Variants in RFX6 observed in about 807,000 individuals in gnomAD.
RFX6 encodes the protein regulatory factor X6.
Under a neutral mutation model 110.8 loss-of-function variants are expected in RFX6, and 50 were observed. The ratio of observed to expected loss-of-function variants is 0.45; its 90% CI spans 0.36 to 0.57. The LOEUF (loss-of-function observed/expected upper bound fraction) is 0.57, where lower values mean the gene tolerates loss of function less well. Among genes scored for constraint, RFX6 ranks in the 20% least tolerant of loss-of-function variants. RFX6 has a pLI of 0.00. For synonymous variants in RFX6, 383 were observed against 411.2 expected, an observed-to-expected ratio of 0.93 and a Z score of 0.83; for missense variants, 990 against 1,127.0, an observed-to-expected ratio of 0.88 and a Z score of 1.74.
chr6:116,911,829 A>G (rs1172193791), intron 7 of RFX6, among the ~76,000 whole-genome samples: 1 of 152,204 alleles, frequency 6.6e-6, no homozygotes, highest in East Asian at 1.9e-4. Context: ...ATAGAGGAAT[A>G]TGATTAATGT....
intron 4 of RFX6, among the ~76,000 whole-genome samples, chr6:116,889,136 C>T (rs1680848200): frequency 6.6e-6 from 1 of 152,098 alleles, no homozygotes; most frequent in African/African-American, 2.4e-5. Context: ...CACCAAAGTA[C>T]ACCAATTTCA....
At chr6:116,926,251 A>G (rs673906) in intron 16 of RFX6, among the ~76,000 whole-genome samples, 36,944 of 152,024 alleles carry the variant, frequency 0.24, 4,875 homozygotes, top group South Asian at 0.42. Context: ...TCAGGCCATT[A>G]CACTCCAGCT....
At chr6:116,886,478 C>T (rs1774700985) in intron 4 of RFX6, among the ~76,000 whole-genome samples, 1 of 152,020 alleles carries the variant, frequency 6.6e-6, no homozygotes, top group African/African-American at 2.4e-5. Flanking sequence ...TTTACTGGTC[C>T]CTATATAAAA....
chr6:116,916,136 G>A (rs1441805277), intron 8 of RFX6, 51 bp downstream of exon 8: 1 of 1,547,588 alleles, frequency 6.5e-7, no homozygotes, highest in African/African-American at 1.4e-5. Flanking sequence ...ATACTTTCAT[G>A]TTCTGTTCTT....
chr6:116,893,716 A>G (rs1454728311), intron 4 of RFX6, among the ~76,000 whole-genome samples: 1 of 152,152 alleles, frequency 6.6e-6, no homozygotes, highest in African/African-American at 2.4e-5. Context: ...GGGATTTGGA[A>G]CCTAATGTTT....
rs1775634608 is a variant in RFX6 at position 116,923,023 on chromosome 6, C to T, written c.1438-84C>T. ...GCCATCTGTCCATTTGTTAGACAGT[C>T]TATTTACTTCTTGATCTAACACAGG... On this transcript the variant is annotated intron_variant, in intron 13 of 18. Transcript: ENST00000332958. 6.4e-6 allele frequency: 5 copies of T among 785,912 alleles called. No individual in the cohort carries two copies. The Admixed American group carries it at 8.5e-5, about 13-fold the overall frequency. The allele number at this position is 785,912 out of a possible 1,614,324, so 48.7% of individuals were successfully genotyped here.
At chr6:116,927,669 C>T in intron 17 of RFX6, 130 bp downstream of exon 17, 2 of 773,234 alleles carry the variant, frequency 2.6e-6, no homozygotes, top group Admixed American at 2.2e-5. Context: ...GAATCTTAGA[C>T]ATTTGGAGCT....
chr6:116,925,849 G>A (rs544627121), intron 16 of RFX6, among the ~76,000 whole-genome samples, 190 bp downstream of exon 16: 1 of 152,122 alleles, frequency 6.6e-6, no homozygotes, highest in East Asian at 1.9e-4. Context: ...TATTAACACA[G>A]GTATCATGTC....
chr6:116,886,971 G>C (rs1029317894), intron 4 of RFX6, among the ~76,000 whole-genome samples: 2 of 152,078 alleles, frequency 1.3e-5, no homozygotes, highest in African/African-American at 4.8e-5. Flanking sequence ...GCTGAGGCAG[G>C]AGAATCACTT....
chr6:116,880,417 A>C (rs1774564164), intron 2 of RFX6, 127 bp from the exon 3 acceptor site: 1 of 780,662 alleles, frequency 1.3e-6, no homozygotes, highest in African/African-American at 1.8e-5. Context: ...AGAATAAACG[A>C]AGTCTACTTA....
At chr6:116,905,253 G>T (rs1426860565) in intron 6 of RFX6, among the ~76,000 whole-genome samples, 1 of 152,098 alleles carries the variant, frequency 6.6e-6, no homozygotes, top group Non-Finnish European at 1.5e-5. Context: ...GTGTGATGTG[G>T]TATCTCATTT....
intron 1 of RFX6, 146 bp downstream of exon 1, chr6:116,877,644 C>G: frequency 9.6e-7 from 1 of 1,044,096 alleles, no homozygotes; most frequent in East Asian, 2.6e-5. Flanking sequence ...AGTAAAATGT[C>G]AAGTAGAGAC....
chr6:116,901,334 C>T (rs1373553615), intron 6 of RFX6, among the ~76,000 whole-genome samples: 1 of 146,556 alleles, frequency 6.8e-6, no homozygotes, highest in African/African-American at 2.5e-5. Context: ...CTGCTAGCCA[C>T]ATGTGACTAT....
At chr6:116,885,444 C>G (rs1774681212) in intron 4 of RFX6, among the ~76,000 whole-genome samples, 1 of 152,178 alleles carries the variant, frequency 6.6e-6, no homozygotes, top group Non-Finnish European at 1.5e-5. Context: ...CAGATGCATG[C>G]ACTCATCTCT....
intron 11 of RFX6, among the ~76,000 whole-genome samples, chr6:116,919,991 TTC>T (rs1196400439): frequency 6.6e-6 from 1 of 152,192 alleles, no homozygotes; most frequent in African/African-American, 2.4e-5. Flanking sequence ...CATTTATATT[TTC>T]TTTTTCTATT....
At chr6:116,908,329 A>G (rs966416908) in intron 6 of RFX6, among the ~76,000 whole-genome samples, 13 of 152,154 alleles carry the variant, frequency 8.5e-5, no homozygotes, top group African/African-American at 3.1e-4. Flanking sequence ...ATTGACTTTT[A>G]AATTGATCTT....
At chr6:116,917,965 T>C in intron 9 of RFX6, 72 bp from the exon 10 acceptor site, 1 of 1,046,130 alleles carries the variant, frequency 9.6e-7, no homozygotes, top group South Asian at 1.3e-5. Flanking sequence ...TAAAAAGTAG[T>C]TGACCAATAA....
chr6:116,920,491 A>G, intron 12 of RFX6, 37 bp downstream of exon 12: 1 of 1,584,056 alleles, frequency 6.3e-7, no homozygotes, highest in Non-Finnish European at 8.7e-7. Context: ...AAGGTTTTCT[A>G]AGCTCAGAAA....
intron 13 of RFX6, among the ~76,000 whole-genome samples, chr6:116,922,568 G>A (rs1402150134): frequency 6.6e-6 from 1 of 152,142 alleles, no homozygotes; most frequent in Non-Finnish European, 1.5e-5. Context: ...AATATTTTGT[G>A]TTTTCTCTGT....
Sources: allele counts gnomAD v4.1 joint callset (sites outside exome capture counted in the v4.1 genomes callset), GRCh38; gene constraint gnomAD v4.1.1; transcripts MANE v1.5; gene names NCBI Gene and HGNC (gene_info 2026-07-23, HGNC 2026-07-21).